Variants in TBC1D9B observed in about 807,000 individuals in gnomAD.
TBC1D9B encodes the protein TBC1 domain family member 9B.
A neutral mutation model predicts 121.1 loss-of-function variants in TBC1D9B; 87 were observed. The ratio of observed to expected loss-of-function variants is 0.72; its 90% CI spans 0.60 to 0.86. The LOEUF is 0.86. Among genes scored for constraint, TBC1D9B ranks in the 40% least tolerant of loss-of-function variants. The probability of loss-of-function intolerance (pLI) is 0.00; values close to 1 mark genes in which losing one functional copy is unlikely to be tolerated. For synonymous variants in TBC1D9B, 668 were observed against 670.1 expected (o/e 1.00, Z 0.05); for missense variants, 1,540 against 1,628.6 (o/e 0.95, Z 0.94).
At chr5:179,872,851 C>CCCCCCCCCCCCCCCCCCCCCCCCCA in intron 14 of TBC1D9B, 41 bp downstream of exon 14, 1 of 1,490,568 alleles carries the variant, frequency 6.7e-7, no homozygotes, top group Non-Finnish European at 9.3e-7. Flanking sequence ...CACTGCTGCC[C>CCCCCCCCCCCCCCCCCCCCCCCCCA]CCCCAGCCCA....
rs796080689 is a variant in TBC1D9B at position 179,904,269 on chromosome 5, G to C, written c.229+433C>G. ...AGACGGAATCTCGCTGTGTCGCCCA[G>C]GCTGGAGTGCAGTGGCGCGATCTCG... On this transcript the variant is annotated intron_variant, in intron 2 of 20. Coordinates refer to ENST00000355235, the MANE Select transcript of TBC1D9B (RefSeq NM_015043.4). The surrounding 1 kb of genome is among the most constrained non-coding windows in gnomAD (Gnocchi z 4.2). Among the ~76,000 whole-genome samples the C allele has an allele frequency of 3.5e-4, 48 of 136,158 alleles. 1 individual carries two copies. Among genetic ancestry groups the C allele is most frequent in the African/African-American group, 1.1e-3 (39 of 34,804 alleles). The allele number at this position is 136,158 out of a possible 152,430, so 89.3% of individuals were successfully genotyped here.
Position 179,874,607 on chromosome 5 carries a change from T to C in TBC1D9B, c.2186+295A>G, listed in dbSNP as rs1760305897. Among the ~76,000 whole-genome samples, 4 of 152,170 alleles carry C rather than the reference T, an allele frequency of 2.6e-5. No homozygotes were observed. The South Asian group carries it at 8.3e-4, about 32-fold the overall frequency. On this transcript the variant is annotated intron_variant, in intron 12 of 20. Transcript: ENST00000355235. The surrounding 1 kb of genome is among the most constrained non-coding windows in gnomAD (Gnocchi z 4.3). ...ACCAACTGGAATTGTGGTCACTGGA[T>C]CTTGGCTCTGGTTTGCCCTCAGGGG...
intron 3 of TBC1D9B, among the ~76,000 whole-genome samples, chr5:179,896,784 A>G (rs776418811): frequency 2.0e-5 from 3 of 152,202 alleles, no homozygotes; most frequent in Non-Finnish European, 2.9e-5. Flanking sequence ...TTAGCCTCCC[A>G]AAGTGCTAGG....
At chr5:179,889,384 C>T (rs538811873) in intron 6 of TBC1D9B, among the ~76,000 whole-genome samples, 1 of 151,994 alleles carries the variant, frequency 6.6e-6, no homozygotes, top group African/African-American at 2.4e-5. Flanking sequence ...TGCCTGGGCG[C>T]AGGTCTGAGA....
chr5:179,907,763 G>A lies in TBC1D9B; in HGVS notation c.59C>T (p.Ala20Val), dbSNP rs1761366403. 7 of 1,222,188 alleles carry A rather than the reference G, an allele frequency of 5.7e-6. No homozygotes were observed. The highest frequency in any genetic ancestry group is 7.3e-6 in the Non-Finnish European group (7 of 953,344). The allele number at this position is 1,222,188 out of a possible 1,614,324, so 75.7% of individuals were successfully genotyped here. A position where few individuals can be genotyped will look rare whatever the true frequency, so the allele number is the denominator to read the frequency against. Residue 20 changes from alanine to valine, a missense_variant, in exon 1 of 21, where the codon GCC (alanine) becomes GTC (valine). Physicochemically the swap from Ala to Val is moderately conservative, Grantham distance 64. Coordinates refer to ENST00000355235, the MANE Select transcript of TBC1D9B (RefSeq NM_015043.4). The surrounding 1 kb of genome is among the most constrained non-coding windows in gnomAD (Gnocchi z 5.3). ...TCGCTGCAGCACGAAGAAGGGGTTGGCCCGCTCCGTCACCCACAGCGCATT... is the reference window on the plus strand; with the variant it reads ...TCGCTGCAGCACGAAGAAGGGGTTGACCCGCTCCGTCACCCACAGCGCATT... ...VANALWVTER[A>V]NPFFVLQRRR... is the part of the protein sequence containing the mutation.
At chr5:179,871,646 A>G (rs1760202712) in intron 14 of TBC1D9B, 116 bp from the exon 15 acceptor site, 3 of 1,093,216 alleles carry the variant, frequency 2.7e-6, no homozygotes, top group Non-Finnish European at 4.1e-6. Flanking sequence ...CCGCCCTCTC[A>G]GTGGCCCAGC....
intron 7 of TBC1D9B, among the ~76,000 whole-genome samples, chr5:179,881,974 T>TA (rs1760556891): frequency 1.3e-5 from 2 of 149,390 alleles, no homozygotes; most frequent in Non-Finnish European, 3.0e-5. Flanking sequence ...AGATGGAGTC[T>TA]TGCTCTGTCA....
intron 7 of TBC1D9B, among the ~76,000 whole-genome samples, chr5:179,886,268 G>A (rs1221408828): frequency 6.6e-6 from 1 of 152,164 alleles, no homozygotes; most frequent in Non-Finnish European, 1.5e-5. Context: ...AAGTGAACAG[G>A]CACTCTGTCC....
intron 18 of TBC1D9B, 47 bp downstream of exon 18, chr5:179,867,731 C>T: frequency 1.9e-6 from 3 of 1,604,682 alleles, no homozygotes; most frequent in Non-Finnish European, 2.6e-6. Flanking sequence ...GCGGCGGTGG[C>T]TGCAGAGTGC....
chr5:179,905,504 T>C (rs1761286995), intron 1 of TBC1D9B, among the ~76,000 whole-genome samples: 1 of 152,248 alleles, frequency 6.6e-6, no homozygotes, highest in African/African-American at 2.4e-5. Context: ...ATAAAGTTTT[T>C]TCATTTCTGA....
chr5:179,866,490 C>CGAGA, intron 18 of TBC1D9B: 1 of 152,466 alleles, frequency 6.6e-6, no homozygotes, highest in Non-Finnish European at 1.5e-5. Flanking sequence ...GTGGGGGCAC[C>CGAGA]TCAGGCAGGT....
Position 179,891,690 on chromosome 5 carries a change from T to C in TBC1D9B, c.837-104A>G. On this transcript the variant is annotated intron_variant, in intron 5 of 20. Transcript: ENST00000355235. This position sits in a 1 kb window ranked among gnomAD's most constrained non-coding sequence, Gnocchi z 4.3. ...TCCCCAGGCCTGTTTCCACATCAGA[T>C]TCAGGATCCCTGGGGTGGTCCCTTG... 3.8e-6 allele frequency: 5 copies of C among 1,317,464 alleles called. No homozygotes were observed. In the South Asian group the frequency reaches 3.9e-5, roughly 10 times the overall value. 81.6% of individuals were successfully genotyped at this position (1,317,464 alleles called of 1,614,324 possible).
Position 179,893,432 on chromosome 5 carries a change from GACGCGTTATGTCC to G in TBC1D9B, c.600_612del (p.Asp201TrpfsTer73). The G allele has an allele frequency of 6.2e-7, 1 of 1,612,718 alleles. No homozygotes were observed. On this transcript the variant is annotated frameshift_variant, in exon 5 of 21. Transcript: ENST00000355235. LOFTEE classifies it high-confidence loss of function. Reference sequence around the variant, plus strand: ...AAGAGCAGGGTGGCGTTCTTCTCCAGACGCGTTATGTCCACCCACTGCACCACGAGGCTCACTG... The same window carrying G: ...AAGAGCAGGGTGGCGTTCTTCTCCAGACCCACTGCACCACGAGGCTCACTG...
Position 179,893,314 on chromosome 5 carries a change from AAC to A in TBC1D9B, c.729_730del (p.Gln243HisfsTer23), listed in dbSNP as rs1232470503. On this transcript the variant is annotated frameshift_variant, in exon 5 of 21. Transcript: ENST00000355235. LOFTEE classifies it high-confidence loss of function. Reference sequence around the variant, plus strand: ...CAGCTGCCGCATGGCCAGGTTGGCCAACTGCTCCATGAGCTTGAAGGTCTCGC... The same window carrying A: ...CAGCTGCCGCATGGCCAGGTTGGCCATGCTCCATGAGCTTGAAGGTCTCGC... The A allele has an allele frequency of 6.2e-7, 1 of 1,614,112 alleles. No homozygotes were observed. Among genetic ancestry groups the A allele is most frequent in the South Asian group, 1.1e-5 (1 of 91,082 alleles).
rs965569999 is a variant in TBC1D9B, at chr5:179,902,048, A to C, written c.229+2654T>G. Among the ~76,000 whole-genome samples, 1 of 152,254 alleles carries C rather than the reference A, an allele frequency of 6.6e-6. No homozygotes were observed. The highest frequency in any genetic ancestry group is 1.5e-5 in the Non-Finnish European group (1 of 68,042). On this transcript the variant is annotated intron_variant, in intron 2 of 20. Transcript: ENST00000355235. The surrounding 1 kb of genome is among the most constrained non-coding windows in gnomAD (Gnocchi z 4.9). ...TGAAATAAGTTACCCAAGGTCACAC[A>C]GCTGGGAAGTGATCAAATCAGAATC...
At chr5:179,867,393 CAGGAAG>C in intron 18 of TBC1D9B, 1 of 1,516,452 alleles carries the variant, frequency 6.6e-7, no homozygotes, top group Non-Finnish European at 8.9e-7. Context: ...CCTGATAGTG[CAGGAAG>C]AGTGTTAGGA....
At chr5:179,893,122 G>A in intron 5 of TBC1D9B, 87 bp downstream of exon 5, 1 of 1,506,138 alleles carries the variant, frequency 6.6e-7, no homozygotes, top group Non-Finnish European at 8.8e-7. Context: ...CCTTCTCCAG[G>A]TCTACACACT....
At chr5:179,889,988 C>T (rs114927468) in intron 6 of TBC1D9B, among the ~76,000 whole-genome samples, 22 of 151,162 alleles carry the variant, frequency 1.5e-4, no homozygotes, top group East Asian at 1.2e-3. Flanking sequence ...CTGAGCTCTG[C>T]GGGGTGAGCT....
rs574269934 is a variant in TBC1D9B, at chr5:179,873,381, C to T, written c.2187-133G>A. On this transcript the variant is annotated intron_variant, in intron 12 of 20. Transcript: ENST00000355235. ...AGGAGTGTGCAGAGGACTGGGCACC[C>T]TGCAGGAGGGCAGAGGTGTGCCCTG... is the stretch of plus-strand genomic sequence containing the variant. 14 of 1,347,094 alleles carry T rather than the reference C, an allele frequency of 1.0e-5. 1 individual carries two copies. In the African/African-American group the frequency reaches 1.8e-4, roughly 17 times the overall value. The allele number at this position is 1,347,094 out of a possible 1,614,324, so 83.4% of individuals were successfully genotyped here. A position where few individuals can be genotyped will look rare whatever the true frequency, so the allele number is the denominator to read the frequency against.
Sources: gnomAD v4.1 joint callset for allele counts (sites outside exome capture counted in the v4.1 genomes callset) on GRCh38, gnomAD v4.1.1 for gene constraint, Gnocchi (gnomAD v3.1) non-coding constraint, MANE v1.5 for transcripts, NCBI Gene and HGNC (gene_info 2026-07-23, HGNC 2026-07-21) for gene names.